Variants in CELF1 observed in about 807,000 individuals in gnomAD.
CELF1 encodes the protein 50 kDa nuclear polyadenylated RNA-binding protein.
A neutral mutation model predicts 61.8 loss-of-function variants in CELF1; 10 were observed. The ratio of observed to expected loss-of-function variants is 0.16; its 90% confidence interval spans 0.10 to 0.27. CELF1 has a LOEUF of 0.27. CELF1 is among the 10% of genes least tolerant of loss of function. CELF1 has a pLI of 1.00. For missense variants in CELF1, 380 were observed against 639.1 expected, an observed-to-expected ratio of 0.59 and a Z score of 4.37; for synonymous variants, 236 against 225.1, an observed-to-expected ratio of 1.05 and a Z score of -0.43.
At chr11:47,489,935 G>GTTTTGTTTTTTTTTTT (rs2090221098) in intron 3 of CELF1, among the ~76,000 whole-genome samples, 1 of 48,226 alleles carries the variant, frequency 2.1e-5, no homozygotes, top group African/African-American at 7.8e-5. Flanking sequence ...ATACCATCTT[G>GTTTTGTTTTTTTTTTT]TTTTTTTTTT....
intron 3 of CELF1, among the ~76,000 whole-genome samples, chr11:47,495,567 A>T (rs2092930065): frequency 6.6e-6 from 1 of 152,230 alleles, no homozygotes; most frequent in South Asian, 2.1e-4. Context: ...ATTATGTCTC[A>T]ATGTGAAGGG....
chr11:47,527,320 G>C (rs970312789), intron 1 of CELF1, among the ~76,000 whole-genome samples: 1 of 152,160 alleles, frequency 6.6e-6, no homozygotes, highest in Non-Finnish European at 1.5e-5. Context: ...GAGCCCAGGA[G>C]GTCAAGACTG....
intron 3 of CELF1, among the ~76,000 whole-genome samples, chr11:47,492,823 C>A (rs539519380): frequency 1.3e-5 from 2 of 152,200 alleles, no homozygotes; most frequent in East Asian, 3.9e-4. Flanking sequence ...TAGCATTTTA[C>A]TAGAATGTTG....
chr11:47,479,577 T>G (rs746969569), intron 9 of CELF1, among the ~76,000 whole-genome samples: 2 of 152,238 alleles, frequency 1.3e-5, no homozygotes, highest in African/African-American at 4.8e-5. Context: ...AAATGACTGA[T>G]GGATTAGTCT....
intron 13 of CELF1, among the ~76,000 whole-genome samples, chr11:47,474,421 C>G (rs1453769227): frequency 6.6e-6 from 1 of 152,214 alleles, no homozygotes; most frequent in Admixed American, 6.5e-5. Context: ...TCTAGAGAGA[C>G]ATTCTCTGAG....
upstream of CELF1, among the ~76,000 whole-genome samples, chr11:47,553,547 A>T (rs2097190202): frequency 6.6e-6 from 1 of 152,184 alleles, no homozygotes; most frequent in Non-Finnish European, 1.5e-5. Flanking sequence ...GAATAAATGG[A>T]TGAGTGAGTG....
intron 1 of CELF1, among the ~76,000 whole-genome samples, chr11:47,544,976 TAAAA>T (rs915141007): frequency 1.3e-5 from 2 of 151,478 alleles, no homozygotes; most frequent in African/African-American, 4.9e-5. Context: ...AAAATAAAAA[TAAAA>T]AAATCAAGAA....
chr11:47,517,506 C>T (rs756036496), intron 1 of CELF1, among the ~76,000 whole-genome samples: 3 of 152,032 alleles, frequency 2.0e-5, no homozygotes, highest in East Asian at 1.9e-4. Context: ...CTGATCAAGA[C>T]GTATTCATAT....
At chr11:47,477,472 A>C in intron 10 of CELF1, 47 bp from the exon 11 acceptor site, 1 of 1,600,612 alleles carries the variant, frequency 6.2e-7, no homozygotes, top group Non-Finnish European at 8.5e-7. Context: ...AGGGTGCTTC[A>C]TATCCATTCC....
At chr11:47,559,725 G>A (rs2097219822) in intron 2 of CELF1, among the ~76,000 whole-genome samples, 1 of 152,182 alleles carries the variant, frequency 6.6e-6, no homozygotes, top group Non-Finnish European at 1.5e-5. Flanking sequence ...GCAGAGGCCG[G>A]GCGCAGTGGC....
intron 8 of CELF1, 60 bp downstream of exon 8, chr11:47,483,393 G>T: frequency 7.5e-7 from 1 of 1,341,448 alleles, no homozygotes; most frequent in Non-Finnish European, 1.1e-6. Context: ...GACTTTAATG[G>T]CCAACTGTCC....
At position 47,486,775 on chromosome 11, in the gene CELF1, T is replaced by C. The variant is rs1246465536; in HGVS notation, c.366A>G (p.Lys122=). The change falls in exon 6 of 15, where the codon AAA becomes AAG. Residue 122 remains lysine (K), a synonymous_variant. Transcript: ENST00000687097. ...CATTGTTCTTCTCACTGTCAGCAGG[T>C]TTCATCTGTATAGGGTGATGCATCT... is the stretch of plus-strand genomic sequence containing the variant. ...LPGMHHPIQM[K]PADSEKNNAV... is the part of the protein sequence containing the mutation. 6.2e-6 allele frequency: 10 copies of C among 1,612,500 alleles called. No individual in the cohort carries two copies. Among genetic ancestry groups the C allele is most frequent in the Non-Finnish European group, 8.5e-6 (10 of 1,178,512 alleles).
At chr11:47,534,733 T>TAAATA (rs551786754) in intron 1 of CELF1, among the ~76,000 whole-genome samples, 1 of 151,848 alleles carries the variant, frequency 6.6e-6, no homozygotes, top group African/African-American at 2.4e-5. Context: ...ATCTCAAAAA[T>TAAATA]AAATAAAATA....
chr11:47,519,277 G>C (rs1381077544), intron 1 of CELF1, among the ~76,000 whole-genome samples: 1 of 151,858 alleles, frequency 6.6e-6, no homozygotes, highest in Non-Finnish European at 1.5e-5. Context: ...GTCAGAGTTC[G>C]AGACCAGCCT....
chr11:47,484,664 G>GT (rs1259854373), intron 6 of CELF1, 141 bp from the exon 7 acceptor site: 10 of 671,660 alleles, frequency 1.5e-5, no homozygotes, highest in Non-Finnish European at 2.4e-6. Context: ...TTTGTTTTTT[G>GT]TATTTTTCAC....
chr11:47,548,551 T>C (rs2097046200), intron 1 of CELF1, among the ~76,000 whole-genome samples: 1 of 152,082 alleles, frequency 6.6e-6, no homozygotes, highest in Non-Finnish European at 1.5e-5. Context: ...GCAAATCATC[T>C]ATCTAATAAG....
chr11:47,494,572 C>A, intron 3 of CELF1: 1 of 847,666 alleles, frequency 1.2e-6, no homozygotes, highest in Non-Finnish European at 1.4e-6. Context: ...CTTTCTTTTC[C>A]CCTCTCAAAA....
At position 47,514,293 on chromosome 11, in the gene CELF1, C is replaced by T. The variant is rs141613101; in HGVS notation, c.-153-13361G>A. Among the ~76,000 whole-genome samples the T allele has an allele frequency of 3.5e-3, 528 of 152,064 alleles. 5 individuals are homozygous for T. The highest frequency in any genetic ancestry group is 3.6e-3 in the Non-Finnish European group (243 of 67,972). On this transcript the variant is annotated intron_variant, in intron 1 of 14. Coordinates refer to ENST00000687097, the MANE Select transcript of CELF1 (RefSeq NM_001376376.1). ...ATACTGCACAACCTACTTTTTTGCA[C>T]CTAACAATGATAAACATTTTCTCGT...
intron 6 of CELF1, among the ~76,000 whole-genome samples, chr11:47,485,545 G>A (rs1373461231): frequency 2.0e-5 from 3 of 151,496 alleles, no homozygotes; most frequent in East Asian, 3.9e-4. Flanking sequence ...AAGTGGAAGA[G>A]AATACACCTT....
Sources: allele counts gnomAD v4.1 joint callset (sites outside exome capture counted in the v4.1 genomes callset), GRCh38; gene constraint gnomAD v4.1.1; transcripts MANE v1.5; gene names NCBI Gene and HGNC (gene_info 2026-07-23, HGNC 2026-07-21).